Variants in POLR2F observed in about 807,000 individuals in gnomAD.
POLR2F encodes the protein DNA-directed RNA polymerases I, II, and III subunit RPABC2.
A neutral mutation model predicts 22.7 loss-of-function variants in POLR2F; 12 were observed. The ratio of observed to expected loss-of-function variants is 0.53; its 90% CI spans 0.34 to 0.86. The LOEUF (loss-of-function observed/expected upper bound fraction) is 0.86. Ranked by LOEUF, POLR2F falls within the 40% of genes least tolerant of loss-of-function variation. The probability of loss-of-function intolerance (pLI) is 0.02; values close to 1 mark genes in which losing one functional copy is unlikely to be tolerated. For missense variants in POLR2F, 126 were observed against 171.5 expected (o/e 0.73, Z 1.48); for synonymous variants, 57 against 66.0 (o/e 0.86, Z 0.66).
chr22:37,999,341 T>C (rs1196402438), intron 1 of POLR2F, among the ~76,000 whole-genome samples: 2 of 152,258 alleles, frequency 1.3e-5, no homozygotes, highest in East Asian at 3.9e-4. Context: ...CGTGTGGGGA[T>C]GCTGGAGCTT....
rs149891270 is a variant in POLR2F at position 37,968,032 on chromosome 22, C to T, written c.*317C>T. On this transcript the variant is annotated 3_prime_UTR_variant, in exon 5 of 5. Coordinates refer to ENST00000442738, the MANE Select transcript of POLR2F (RefSeq NM_021974.5). ...CTCAGCTGCCTTCCAAGCAGACAGACAAGTCTTTGTGCCCAGGGAGCTGGT... is the reference window on the plus strand; with the variant it reads ...CTCAGCTGCCTTCCAAGCAGACAGATAAGTCTTTGTGCCCAGGGAGCTGGT... The T allele has an allele frequency of 4.3e-3, 4,412 of 1,031,806 alleles. 27 individuals carry two copies. Among genetic ancestry groups the T allele is most frequent in the South Asian group, 0.024 (620 of 25,428 alleles). The allele number at this position is 1,031,806 out of a possible 1,614,324, so 63.9% of individuals were successfully genotyped here. A position where few individuals can be genotyped will look rare whatever the true frequency, so the allele number is the denominator to read the frequency against.
chr22:37,983,906 G>A, upstream of POLR2F: 4 of 837,438 alleles, frequency 4.8e-6, no homozygotes, highest in Non-Finnish European at 4.8e-6. This position sits in a 1 kb window ranked among gnomAD's most constrained non-coding sequence, Gnocchi z 9.5. Context: ...GGCCGCGCGC[G>A]CAGCCCCGAG....
At position 37,953,781 on chromosome 22, in the gene POLR2F, G is replaced by A. The variant is rs757616472; in HGVS notation, c.-7G>A. On this transcript the variant is annotated 5_prime_UTR_variant, in exon 1 of 5. Coordinates refer to ENST00000442738, the MANE Select transcript of POLR2F (RefSeq NM_021974.5). ...GGGCGCAGCGGGGTCGCTGAGGCGA[G>A]GGTGTCATGTCAGACAACGAGGACA... 1 of 1,609,138 alleles carries A rather than the reference G, an allele frequency of 6.2e-7. No homozygotes were observed. Among genetic ancestry groups the A allele is most frequent in the Non-Finnish European group, 8.5e-7 (1 of 1,178,818 alleles).
rs1931424320 is a variant in POLR2F, at chr22:37,956,854, G to A, written c.90+12G>A. On this transcript the variant is annotated intron_variant, in intron 2 of 4. Transcript: ENST00000442738. ...AGAATGCCGAAGAGGTCAGTATTCA[G>A]CCTCAGGCTCCCACCTCTGCAGCCC... 6.2e-7 allele frequency: 1 copy of A among 1,605,984 alleles called. No individual in the cohort carries two copies. The highest frequency in any genetic ancestry group is 1.7e-5 in the Admixed American group (1 of 59,994).
intron 1 of POLR2F, among the ~76,000 whole-genome samples, chr22:37,992,346 GTGGC>G (rs1932744407): frequency 1.3e-5 from 2 of 152,086 alleles, no homozygotes; most frequent in African/African-American, 4.8e-5. Flanking sequence ...TGCCGCCAAG[GTGGC>G]TGTTGGTTGA....
intron 5 of POLR2F, chr22:38,040,948 GAAT>G (rs1195602773): frequency 2.5e-5 from 38 of 1,523,680 alleles, no homozygotes; most frequent in Non-Finnish European, 2.9e-5. Flanking sequence ...AGAGGAGAGA[GAAT>G]AATGATGACA....
chr22:38,018,500 A>G (rs73417863), intron 1 of POLR2F, among the ~76,000 whole-genome samples: 3,795 of 152,170 alleles, frequency 0.025, 155 homozygotes, highest in African/African-American at 0.087. Context: ...GTCAGGCCTC[A>G]GGCTTAGGGT....
Position 38,013,073 on chromosome 22 carries a change from A to ACTTCCTTCC in POLR2F, c.121-12743_121-12735dup, listed in dbSNP as rs139903. On this transcript the variant is annotated intron_variant, in intron 1 of 2. Coordinates refer to the POLR2F transcript ENST00000333418. ...AGCACTCCCTCATTGCTTAGTTATG[A>ACTTCCTTCC]CTTCCTTCCCTTCCTTCCCTTCCTT... Among the ~76,000 whole-genome samples the ACTTCCTTCC allele has an allele frequency of 1.8e-3, 269 of 148,176 alleles. 1 individual carries two copies. Among genetic ancestry groups the ACTTCCTTCC allele is most frequent in the African/African-American group, 1.5e-3 (61 of 39,896 alleles).
Position 37,997,202 on chromosome 22 carries a change from C to T in POLR2F, c.120+10890C>T, listed in dbSNP as rs980004831. Among the ~76,000 whole-genome samples, 11 of 152,128 alleles carry T rather than the reference C, an allele frequency of 7.2e-5. No individual in the cohort carries two copies. Among genetic ancestry groups the T allele is most frequent in the Non-Finnish European group, 1.5e-4 (10 of 67,990 alleles). Reference sequence around the variant, plus strand: ...CCAGCCGGAGTCTCCCCTCCATCCCCTCCTCTGAAGGCCTCTTCCCCCTGA... The same window carrying T: ...CCAGCCGGAGTCTCCCCTCCATCCCTTCCTCTGAAGGCCTCTTCCCCCTGA... On this transcript the variant is annotated intron_variant, in intron 1 of 2. Transcript: ENST00000333418. The surrounding 1 kb of genome is among the most constrained non-coding windows in gnomAD (Gnocchi z 4.4).
At position 38,033,850 on chromosome 22, in the gene POLR2F, G is replaced by A. The variant is rs550849242; in HGVS notation, c.453-7218G>A. Among the ~76,000 whole-genome samples, 5 of 152,280 alleles carry A rather than the reference G, an allele frequency of 3.3e-5. No individual in the cohort carries two copies. The South Asian group carries it at 6.2e-4, about 19-fold the overall frequency. ...GCCTCGAGGCTTCTGTCCTGTGCTC[G>A]CTGGGAGAGGGTGTGACGTGGACGA... On this transcript the variant is annotated intron_variant, in intron 5 of 5. Transcript: ENST00000407936.
intron 5 of POLR2F, among the ~76,000 whole-genome samples, chr22:38,037,826 C>T (rs2085131434): frequency 6.6e-6 from 1 of 152,242 alleles, no homozygotes; most frequent in Non-Finnish European, 1.5e-5. Context: ...CTCCTGACCT[C>T]GTGATCCACC....
downstream of POLR2F, chr22:38,041,250 C>G: frequency 7.8e-7 from 1 of 1,284,088 alleles, no homozygotes; most frequent in Non-Finnish European, 1.1e-6. Flanking sequence ...ATGGCGGGGG[C>G]AGGCACAGGG....
chr22:38,039,966 C>T (rs1324983245), intron 5 of POLR2F, among the ~76,000 whole-genome samples: 1 of 152,138 alleles, frequency 6.6e-6, no homozygotes, highest in Non-Finnish European at 1.5e-5. Flanking sequence ...AGTAAAAGTT[C>T]TGCAGGCAAT....
intron 1 of POLR2F, chr22:37,987,243 G>A (rs775004032): frequency 1.5e-5 from 7 of 456,686 alleles, no homozygotes; most frequent in Non-Finnish European, 1.8e-5. Flanking sequence ...AGGCCTTTCC[G>A]GAGCAACAGG....
chr22:37,969,565 G>A (rs760579547), downstream of POLR2F, among the ~76,000 whole-genome samples: 29 of 152,110 alleles, frequency 1.9e-4, no homozygotes, highest in Non-Finnish European at 2.8e-4. Flanking sequence ...GTCATCTTCC[G>A]GATGTGCCCC....
At chr22:38,025,310 A>G (rs1424846460) in intron 1 of POLR2F, among the ~76,000 whole-genome samples, 4 of 152,134 alleles carry the variant, frequency 2.6e-5, no homozygotes, top group Non-Finnish European at 5.9e-5. Flanking sequence ...TTGCAATCAC[A>G]GCACACATGC....
chr22:37,990,085 A>G (rs1023231994), intron 1 of POLR2F, among the ~76,000 whole-genome samples: 2 of 152,220 alleles, frequency 1.3e-5, no homozygotes, highest in African/African-American at 4.8e-5. Context: ...CCCTGAGGCC[A>G]TGCTCAGCCT....
rs192814311 is a variant in POLR2F, at chr22:37,994,667, C to T, written c.120+8355C>T. Among the ~76,000 whole-genome samples the T allele has an allele frequency of 1.1e-4, 16 of 152,266 alleles. No homozygotes were observed. In the East Asian group the frequency reaches 1.7e-3, roughly 17 times the overall value. On this transcript the variant is annotated intron_variant, in intron 1 of 2. Transcript: ENST00000333418. ...CTGAGTAGCTGGCACTACAGGTGCCCGCCACCATGCCTGGCTAATTTTTTA... is the reference window on the plus strand; with the variant it reads ...CTGAGTAGCTGGCACTACAGGTGCCTGCCACCATGCCTGGCTAATTTTTTA...
At position 37,968,779 on chromosome 22, in the gene POLR2F, C is replaced by G. The variant is rs1217714672; in HGVS notation, c.*1064C>G. 9 of 985,372 alleles carry G rather than the reference C, an allele frequency of 9.1e-6. No homozygotes were observed. Among genetic ancestry groups the G allele is most frequent in the Non-Finnish European group, 1.1e-5 (9 of 829,966 alleles). The allele number at this position is 985,372 out of a possible 1,614,324, so 61.0% of individuals were successfully genotyped here. A position where few individuals can be genotyped will look rare whatever the true frequency, so the allele number is the denominator to read the frequency against. On this transcript the variant is annotated 3_prime_UTR_variant, in exon 5 of 5. Coordinates refer to ENST00000442738, the MANE Select transcript of POLR2F (RefSeq NM_021974.5). ...AGAGGAGGAGCTGGGCTTCCCTAAC[C>G]TCTGCAGGAGGCAGGGCCTCCAGGC...
Sources: allele counts gnomAD v4.1 joint callset (sites outside exome capture counted in the v4.1 genomes callset), GRCh38; gene constraint gnomAD v4.1.1; non-coding constraint Gnocchi (gnomAD v3.1); transcripts MANE v1.5; gene names NCBI Gene and HGNC (gene_info 2026-07-23, HGNC 2026-07-21).